The following OPHN1 variants were observed in gnomAD, a reference collection of about 807,000 sequenced individuals.
OPHN1 encodes the protein oligophrenin-1.
In OPHN1, 11 loss-of-function variants were observed where a neutral mutation model predicts 60.7. That is an observed-to-expected ratio of 0.18 (90% CI 0.11 to 0.30). The LOEUF is 0.30. OPHN1 is among the 10% of genes least tolerant of loss of function. The probability of loss-of-function intolerance (pLI) is 1.00; values close to 1 mark genes in which losing one functional copy is unlikely to be tolerated. For missense variants in OPHN1, 449 were observed against 611.0 expected (o/e 0.73, Z 2.80); for synonymous variants, 226 against 222.6 (o/e 1.02, Z -0.14).
chrX:68,104,442 G>A (rs1048812788), intron 18 of OPHN1, among the ~76,000 whole-genome samples: 1 of 111,592 alleles, frequency 9.0e-6, no homozygotes, highest in African/African-American at 3.3e-5. Flanking sequence ...AACCAAAACA[G>A]CATTGTCCTG....
At chrX:68,384,331 G>C (rs1254450388) in intron 2 of OPHN1, among the ~76,000 whole-genome samples, 1 of 111,544 alleles carries the variant, frequency 9.0e-6, no homozygotes, top group African/African-American at 3.3e-5. Context: ...TCATACTTAT[G>C]CCTAGGAAGG....
At chrX:68,353,990 G>A (rs1408559865) in intron 2 of OPHN1, among the ~76,000 whole-genome samples, 1 of 112,124 alleles carries the variant, frequency 8.9e-6, no homozygotes, top group African/African-American at 3.2e-5. Context: ...GAAAAAGTTA[G>A]AGTACATTAT....
At chrX:68,064,916 G>A (rs2076907562) in intron 20 of OPHN1, among the ~76,000 whole-genome samples, 1 of 111,680 alleles carries the variant, frequency 9.0e-6, no homozygotes, top group Non-Finnish European at 1.9e-5. Context: ...AACTTCGAGT[G>A]CAGTGGTTAA....
At chrX:68,205,958 C>CTGTGTG (rs1366672382) in intron 10 of OPHN1, among the ~76,000 whole-genome samples, 3 of 64,638 alleles carry the variant, frequency 4.6e-5, no homozygotes, top group Admixed American at 2.0e-4. Flanking sequence ...ATGTGTGTAT[C>CTGTGTG]TGTGTGTGTG....
chrX:68,167,361 A>T (rs774229704), intron 15 of OPHN1, among the ~76,000 whole-genome samples: 5 of 111,563 alleles, frequency 4.5e-5, no homozygotes, highest in African/African-American at 1.6e-4. Flanking sequence ...GCTGGCAAGG[A>T]TGTGGAGAAA....
chrX:68,245,796 ATTAT>A (rs2077802997), intron 5 of OPHN1, among the ~76,000 whole-genome samples: 1 of 111,887 alleles, frequency 8.9e-6, no homozygotes. Flanking sequence ...ATCTTTATTT[ATTAT>A]TTATTTATTT....
intron 15 of OPHN1, among the ~76,000 whole-genome samples, chrX:68,182,188 GT>G (rs397951860): frequency 0.047 from 2,150 of 46,046 alleles, 94 homozygotes; most frequent in African/African-American, 0.17. Context: ...AAGCTCTGTA[GT>G]TTTTTTTTTT....
chrX:68,278,897 TA>T (rs1236498862), intron 4 of OPHN1, among the ~76,000 whole-genome samples: 1 of 108,744 alleles, frequency 9.2e-6, no homozygotes, highest in East Asian at 2.9e-4. Flanking sequence ...AAAAATAAAA[TA>T]AAAAAAATTT....
intron 15 of OPHN1, among the ~76,000 whole-genome samples, chrX:68,138,104 G>C (rs991246949): frequency 1.8e-5 from 2 of 111,768 alleles, no homozygotes; most frequent in African/African-American, 6.5e-5. Flanking sequence ...TTGTGGGCAT[G>C]TCTACACAGT....
chrX:68,350,442 CCCTCTCTCCCTCCCTTCCTT>C (rs1283628749), intron 2 of OPHN1, among the ~76,000 whole-genome samples: 6 of 73,579 alleles, frequency 8.2e-5, no homozygotes, highest in Non-Finnish European at 1.2e-4. Context: ...CTCTCTCCCT[CCCTCTCTCCCTCCCTTCCTT>C]CCTTCCTTCC....
chrX:68,324,614 A>AG (rs201240346), intron 2 of OPHN1, among the ~76,000 whole-genome samples: 5,062 of 98,349 alleles, frequency 0.051, 341 homozygotes, highest in African/African-American at 0.19. Flanking sequence ...ACCTTTTCTC[A>AG]AAAAAAAAAA....
intron 2 of OPHN1, among the ~76,000 whole-genome samples, chrX:68,373,928 C>T (rs772571082): frequency 2.3e-4 from 26 of 111,364 alleles, no homozygotes; most frequent in Non-Finnish European, 4.1e-4. Context: ...TCTAAATAAA[C>T]CTCACACCAT....
chrX:68,391,822 C>T (rs928139900), intron 2 of OPHN1, among the ~76,000 whole-genome samples: 1 of 111,074 alleles, frequency 9.0e-6, no homozygotes, highest in African/African-American at 3.3e-5. Flanking sequence ...GAGGATGGCC[C>T]ACAAGCCAAG....
chrX:68,049,147 A>C lies in OPHN1; in HGVS notation c.2376-690T>G, dbSNP rs547631137. ...GCATATGTGACTAGCCCCACTCCCC[A>C]GACTTATATAGTGGCTATACTCATA... On this transcript the variant is annotated intron_variant, in intron 23 of 24. Transcript: ENST00000355520. Among the ~76,000 whole-genome samples the C allele has an allele frequency of 8.3e-4, 93 of 111,553 alleles. 1 individual carries two copies. The highest frequency in any genetic ancestry group is 3.0e-3 in the African/African-American group (93 of 30,702).
intron 15 of OPHN1, among the ~76,000 whole-genome samples, chrX:68,185,532 T>C (rs945309993): frequency 9.0e-6 from 1 of 111,536 alleles, no homozygotes; most frequent in Non-Finnish European, 1.9e-5. Context: ...TAGTCTTTCA[T>C]TTATGATCAC....
chrX:68,229,917 T>A (rs1161569448), intron 6 of OPHN1, among the ~76,000 whole-genome samples: 1 of 111,583 alleles, frequency 9.0e-6, no homozygotes, highest in African/African-American at 3.3e-5. Flanking sequence ...ACAAATGGGA[T>A]CTAATTAAAC....
chrX:68,193,049 C>T (rs984329441), intron 14 of OPHN1, 56 bp from the exon 15 acceptor site: 3 of 940,654 alleles, frequency 3.2e-6, no homozygotes, highest in Non-Finnish European at 4.6e-6. Flanking sequence ...TTGTCATCTC[C>T]CCTTGGTACA....
At chrX:68,388,792 T>A (rs1174075247) in intron 2 of OPHN1, among the ~76,000 whole-genome samples, 1 of 111,080 alleles carries the variant, frequency 9.0e-6, no homozygotes, top group Non-Finnish European at 1.9e-5. Flanking sequence ...TTTATACTAT[T>A]CCCTCTACTT....
intron 4 of OPHN1, among the ~76,000 whole-genome samples, chrX:68,275,815 G>T (rs1276370500): frequency 9.0e-6 from 1 of 111,310 alleles, no homozygotes; most frequent in Non-Finnish European, 1.9e-5. Flanking sequence ...AAGTTGTGGG[G>T]CATTAGTGCA....
Sources: gnomAD v4.1 joint callset for allele counts (sites outside exome capture counted in the v4.1 genomes callset) on GRCh38, gnomAD v4.1.1 for gene constraint, MANE v1.5 for transcripts, NCBI Gene and HGNC (gene_info 2026-07-23, HGNC 2026-07-21) for gene names.